DENND1A: variants seen among roughly 807,000 people sequenced by gnomAD.
DENND1A encodes the protein DENN domain-containing protein 1A.
DENND1A carries 51 observed loss-of-function variants against 113.7 expected under a neutral mutation model. That is an observed-to-expected ratio of 0.45 (90% CI 0.36 to 0.57). The LOEUF (loss-of-function observed/expected upper bound fraction) is 0.57, where lower values mean the gene tolerates loss of function less well. Among genes scored for constraint, DENND1A ranks in the 20% least tolerant of loss-of-function variants. The pLI is 0.00. For missense variants in DENND1A, 1,258 were observed against 1,395.9 expected (o/e 0.90, Z 1.57); for synonymous variants, 565 against 570.8 (o/e 0.99, Z 0.14).
At chr9:123,450,790 T>G (rs2047662911) in intron 17 of DENND1A, 41 bp from the exon 18 acceptor site, 1 of 1,542,080 alleles carries the variant, frequency 6.5e-7, no homozygotes, top group Admixed American at 1.7e-5. Flanking sequence ...CCCTTTCTGT[T>G]TCCAGCAGGG....
rs768633275 is a variant in DENND1A, at chr9:123,382,429, T to C, written c.2216A>G (p.Asp739Gly). ...LALPRRPQNR[D>G]SILNPSDKEE... ...CTTGTCACTGGGGTTCAGGATGCTGTCCCGGTTCTGGGGCCTTCGAGGCAG... is the reference window on the plus strand; with the variant it reads ...CTTGTCACTGGGGTTCAGGATGCTGCCCCGGTTCTGGGGCCTTCGAGGCAG... The change falls in exon 24 of 24, where the codon GAC becomes GGC. Residue 739 changes from aspartate to glycine, a missense_variant. Physicochemically the swap from Asp to Gly is moderately conservative, Grantham distance 94. Around this residue, in one of 2 missense-constraint regions of DENND1A, gnomAD observed 1,159 missense variants for 1,231.7 expected, o/e 0.94. Transcript: ENST00000394215. The C allele has an allele frequency of 6.2e-7, 1 of 1,608,656 alleles. No homozygotes were observed. Among genetic ancestry groups the C allele is most frequent in the East Asian group, 2.2e-5 (1 of 44,820 alleles).
chr9:123,843,346 A>T (rs76916016), intron 2 of DENND1A: 13,910 of 353,840 alleles, frequency 0.039, 372 homozygotes, highest in Non-Finnish European at 0.045. Flanking sequence ...ATGGAGCTAA[A>T]AGAGTTGGTG....
chr9:123,478,889 G>A (rs896587646), intron 13 of DENND1A, among the ~76,000 whole-genome samples: 1 of 152,226 alleles, frequency 6.6e-6, no homozygotes, highest in African/African-American at 2.4e-5. Flanking sequence ...GACACCAAAT[G>A]AGACTTCGTG....
intron 13 of DENND1A, among the ~76,000 whole-genome samples, chr9:123,550,815 A>T (rs2056999698): frequency 6.6e-6 from 1 of 152,218 alleles, no homozygotes; most frequent in African/African-American, 2.4e-5. Context: ...ATACTGCTAC[A>T]CATATCCTCC....
In DENND1A at chr9:123,382,316, G is replaced by A. The variant is rs778943077; in HGVS notation, c.2329C>T (p.Pro777Ser). 6.2e-7 allele frequency: 1 copy of A among 1,610,300 alleles called. No individual in the cohort carries two copies. Among genetic ancestry groups the A allele is most frequent in the Admixed American group, 1.7e-5 (1 of 59,764 alleles). Residue 777 changes from proline to serine, a missense_variant, in exon 24 of 24, where the codon CCG becomes TCG. By Grantham distance (74) the Pro-to-Ser change is moderately conservative. Around this residue, in one of 2 missense-constraint regions of DENND1A, gnomAD observed 1,159 missense variants for 1,231.7 expected, o/e 0.94. Transcript: ENST00000394215. Reference sequence around the variant, plus strand: ...AGCTTGGCCGGGCGGGGAATGGGCGGTGGAGGCACGATGCCCAGCTCTGGG... The same window carrying A: ...AGCTTGGCCGGGCGGGGAATGGGCGATGGAGGCACGATGCCCAGCTCTGGG... The part of the protein sequence containing the change: ...KTPELGIVPP[P>S]PIPRPAKLQA...
At chr9:123,464,994 CAAA>C (rs10655282) in intron 13 of DENND1A, among the ~76,000 whole-genome samples, 20 of 70,560 alleles carry the variant, frequency 2.8e-4, no homozygotes, top group African/African-American at 1.0e-3. Context: ...ACTAAAAATA[CAAA>C]AAAAAAAAAA....
intron 22 of DENND1A, among the ~76,000 whole-genome samples, chr9:123,384,135 T>C (rs987151526): frequency 3.9e-5 from 6 of 152,246 alleles, no homozygotes; most frequent in African/African-American, 1.4e-4. Context: ...CAACTCGCTT[T>C]GGCTCTCACT....
At chr9:123,579,036 A>G (rs1226793964) in intron 12 of DENND1A, among the ~76,000 whole-genome samples, 1 of 152,242 alleles carries the variant, frequency 6.6e-6, no homozygotes, top group Admixed American at 6.5e-5. Flanking sequence ...CCTACAGTAC[A>G]GAGTTTAAAG....
intron 13 of DENND1A, among the ~76,000 whole-genome samples, chr9:123,487,745 G>C (rs965480154): frequency 9.9e-5 from 15 of 152,194 alleles, no homozygotes; most frequent in Non-Finnish European, 1.6e-4. Flanking sequence ...AAAAAAGAGG[G>C]GGGCTGGGGG....
rs545350673 is a variant in DENND1A, at chr9:123,791,703, C to T, written c.132+884G>A. Among the ~76,000 whole-genome samples the T allele has an allele frequency of 4.3e-4, 65 of 152,228 alleles. 1 individual carries two copies. Among genetic ancestry groups the T allele is most frequent in the African/African-American group, 1.5e-3 (64 of 41,540 alleles). On this transcript the variant is annotated intron_variant, in intron 3 of 23. Transcript: ENST00000394215. ...TATTGTACTTATCCTCATTCAAAGA[C>T]TTTTAATAAAAAAATTAAATAGATG...
At position 123,381,439 on chromosome 9, in the gene DENND1A, A is replaced by G; in HGVS notation, c.3206T>C (p.Phe1069Ser). ...VEQLRKQWET[F>S]E Reference sequence around the variant, plus strand: ...CCACCCTCAGGGCCCGGCTCACTCGAAGGTCTCCCACTGCTTCCTGAGCTG... The same window carrying G: ...CCACCCTCAGGGCCCGGCTCACTCGGAGGTCTCCCACTGCTTCCTGAGCTG... Residue 1069 changes from phenylalanine (F) to serine (S), a missense_variant, in exon 24 of 24, where the codon TTC (phenylalanine) becomes TCC (serine). Phe to Ser is a radical substitution (Grantham distance 155). This residue lies in a region of DENND1A where 1,159 missense variants were observed against 1,231.7 expected (regional missense o/e 0.94). Coordinates refer to ENST00000394215, the MANE Select transcript of DENND1A (RefSeq NM_001352964.2). This position sits in a 1 kb window ranked among gnomAD's most constrained non-coding sequence, Gnocchi z 4.7. 6.2e-7 allele frequency: 1 copy of G among 1,612,912 alleles called. No homozygotes were observed.
intron 4 of DENND1A, among the ~76,000 whole-genome samples, chr9:123,768,596 G>A (rs1829211756): frequency 1.3e-5 from 2 of 152,042 alleles, no homozygotes; most frequent in African/African-American, 4.8e-5. Flanking sequence ...GTCAATAAAA[G>A]TGGGTTTGTT....
At chr9:123,591,376 AATGT>A (rs1035982182) in intron 11 of DENND1A, among the ~76,000 whole-genome samples, 1 of 152,258 alleles carries the variant, frequency 6.6e-6, no homozygotes, top group African/African-American at 2.4e-5. Context: ...GTGCACTGGC[AATGT>A]CAGCCGGGGG....
intron 19 of DENND1A, among the ~76,000 whole-genome samples, chr9:123,429,713 C>G (rs2045996049): frequency 6.6e-6 from 1 of 152,102 alleles, no homozygotes; most frequent in Non-Finnish European, 1.5e-5. Context: ...GATTAAAGAC[C>G]TAATTGTATA....
At chr9:123,617,012 A>T (rs1234908333) in intron 10 of DENND1A, among the ~76,000 whole-genome samples, 1 of 152,236 alleles carries the variant, frequency 6.6e-6, no homozygotes, top group Non-Finnish European at 1.5e-5. Context: ...TCTCTGCAGC[A>T]ATCTTGAAAG....
intron 2 of DENND1A, among the ~76,000 whole-genome samples, chr9:123,793,043 G>A (rs1297711611): frequency 6.6e-6 from 1 of 152,128 alleles, no homozygotes. Flanking sequence ...GGGGAGAAAG[G>A]GGGAGTGAGA....
At chr9:123,612,707 A>C (rs879703162) in intron 10 of DENND1A, among the ~76,000 whole-genome samples, 8 of 152,234 alleles carry the variant, frequency 5.3e-5, no homozygotes, top group Non-Finnish European at 1.2e-4. Context: ...ACTGTGATAA[A>C]AATGAACACC....
intron 2 of DENND1A, among the ~76,000 whole-genome samples, chr9:123,811,730 G>A (rs1211089178): frequency 2.0e-5 from 3 of 152,214 alleles, no homozygotes; most frequent in African/African-American, 7.2e-5. Context: ...CTGCATTCCA[G>A]CCAGGGCGAC....
intron 1 of DENND1A, among the ~76,000 whole-genome samples, chr9:123,924,916 T>C (rs897656705): frequency 1.3e-5 from 2 of 152,194 alleles, no homozygotes; most frequent in African/African-American, 2.4e-5. Flanking sequence ...CTAGTCTCTT[T>C]AGATGACTAA....
Sources: gnomAD v4.1 joint callset for allele counts (sites outside exome capture counted in the v4.1 genomes callset) on GRCh38, gnomAD v4.1.1 for gene constraint, gnomAD v4.1.1 regional missense constraint, Gnocchi (gnomAD v3.1) non-coding constraint, MANE v1.5 for transcripts, NCBI Gene and HGNC (gene_info 2026-07-23, HGNC 2026-07-21) for gene names.